NALF1: variants seen among roughly 807,000 people sequenced by gnomAD.
NALF1 encodes NALCN channel auxiliary factor 1.
A neutral mutation model predicts 48.4 loss-of-function variants in NALF1; 3 were observed. The ratio of observed to expected loss-of-function variants is 0.06; its 90% confidence interval spans 0.03 to 0.16. NALF1 has a LOEUF of 0.16. NALF1 is among the 10% of genes least tolerant of loss of function. NALF1 has a pLI of 1.00. For missense variants in NALF1, 526 were observed against 571.5 expected (o/e 0.92, Z 0.81); for synonymous variants, 262 against 245.7 (o/e 1.07, Z -0.62).
At chr13:107,389,615 G>C (rs1362029117) in intron 1 of NALF1, among the ~76,000 whole-genome samples, 1 of 152,092 alleles carries the variant, frequency 6.6e-6, no homozygotes, top group African/African-American at 2.4e-5. Flanking sequence ...GGCAGCTGTA[G>C]CAAACTTGCA....
intron 1 of NALF1, among the ~76,000 whole-genome samples, chr13:107,626,644 A>C (rs993556650): frequency 3.3e-5 from 5 of 152,114 alleles, no homozygotes; most frequent in African/African-American, 1.2e-4. Flanking sequence ...TCCTTGGATG[A>C]AACTGGATAT....
intron 1 of NALF1, among the ~76,000 whole-genome samples, chr13:107,410,123 G>T (rs1440100388): frequency 1.3e-5 from 2 of 152,176 alleles, no homozygotes; most frequent in Non-Finnish European, 2.9e-5. Flanking sequence ...CTTGGTGCTT[G>T]TCCAAGAAGT....
intron 1 of NALF1, among the ~76,000 whole-genome samples, chr13:107,285,268 A>G (rs1338164297): frequency 6.6e-6 from 1 of 152,192 alleles, no homozygotes; most frequent in Non-Finnish European, 1.5e-5. Context: ...TTGCACTTTC[A>G]TGACACATAT....
intron 1 of NALF1, among the ~76,000 whole-genome samples, chr13:107,307,263 C>T (rs9587348): frequency 0.015 from 2,345 of 152,180 alleles, 63 homozygotes; most frequent in African/African-American, 0.054. Context: ...TCCCAGTGTC[C>T]ACACTGCATA....
At chr13:107,454,292 T>A (rs1432251545) in intron 1 of NALF1, among the ~76,000 whole-genome samples, 1 of 152,192 alleles carries the variant, frequency 6.6e-6, no homozygotes, top group Non-Finnish European at 1.5e-5. Flanking sequence ...AACTGGGTAA[T>A]TCATAAAAGA....
intron 1 of NALF1, among the ~76,000 whole-genome samples, chr13:107,582,108 A>G (rs1878328653): frequency 6.7e-6 from 1 of 149,352 alleles, no homozygotes; most frequent in Non-Finnish European, 1.5e-5. Flanking sequence ...TCTACACTAT[A>G]TATAAAATTT....
At chr13:107,586,885 A>G (rs1280189375) in intron 1 of NALF1, among the ~76,000 whole-genome samples, 1 of 152,008 alleles carries the variant, frequency 6.6e-6, no homozygotes, top group African/African-American at 2.4e-5. Context: ...AGTAAGTTAT[A>G]AGGAATAGAT....
At chr13:107,635,350 G>A (rs138130526) in intron 1 of NALF1, among the ~76,000 whole-genome samples, 3 of 152,104 alleles carry the variant, frequency 2.0e-5, no homozygotes, top group African/African-American at 4.8e-5. Flanking sequence ...TGGCAGGAGA[G>A]AGAAGTGCCA....
intron 1 of NALF1, among the ~76,000 whole-genome samples, chr13:107,245,590 G>A (rs1436860013): frequency 2.0e-5 from 3 of 152,070 alleles, no homozygotes; most frequent in Non-Finnish European, 2.9e-5. Flanking sequence ...TATTCTTTTT[G>A]CTGTTTTTCT....
At chr13:107,760,704 C>G (rs569573711) in intron 1 of NALF1, among the ~76,000 whole-genome samples, 1 of 152,186 alleles carries the variant, frequency 6.6e-6, no homozygotes, top group Admixed American at 6.5e-5. Flanking sequence ...ACTCAAATAC[C>G]ACGCATGTTG....
At chr13:107,845,681 C>A (rs539017584) in intron 1 of NALF1, among the ~76,000 whole-genome samples, 1 of 152,126 alleles carries the variant, frequency 6.6e-6, no homozygotes, top group African/African-American at 2.4e-5. Flanking sequence ...CCTTTAACCC[C>A]TAGGCTTTTT....
chr13:107,198,869 C>T (rs1323785820), intron 2 of NALF1, among the ~76,000 whole-genome samples: 1 of 152,144 alleles, frequency 6.6e-6, no homozygotes, highest in Non-Finnish European at 1.5e-5. Flanking sequence ...CTCTATGTGT[C>T]TATATCCAAA....
Position 107,388,683 on chromosome 13 carries a change from GA to G in NALF1, c.916-177929del, listed in dbSNP as rs1176702063. On this transcript the variant is annotated intron_variant, in intron 1 of 2. Coordinates refer to ENST00000375915, the MANE Select transcript of NALF1 (RefSeq NM_001080396.3). ...TAAGCAAGTAAGTGTACTCCATCAA[GA>G]AAAAGTAAAATGTATTTAAAGGGAA... 4.6e-5 allele frequency among the ~76,000 whole-genome samples: 7 copies of G among 152,166 alleles called. No homozygotes were observed. In the South Asian group the frequency reaches 8.3e-4, roughly 18 times the overall value.
At chr13:107,516,508 T>C (rs1876057963) in intron 1 of NALF1, among the ~76,000 whole-genome samples, 1 of 152,230 alleles carries the variant, frequency 6.6e-6, no homozygotes, top group Non-Finnish European at 1.5e-5. Context: ...TTTTTCAGCT[T>C]TATTAATGTA....
At chr13:107,226,149 T>C (rs1880103793) in intron 1 of NALF1, among the ~76,000 whole-genome samples, 2 of 152,000 alleles carry the variant, frequency 1.3e-5, no homozygotes, top group East Asian at 3.9e-4. Context: ...CACACACCAC[T>C]ACCTAAACAG....
chr13:107,334,590 T>C lies in NALF1; in HGVS notation c.916-123835A>G, dbSNP rs1349778782. Among the ~76,000 whole-genome samples, 6 of 152,186 alleles carry C rather than the reference T, an allele frequency of 3.9e-5. No homozygotes were observed. The East Asian group carries it at 9.6e-4, about 24-fold the overall frequency. On this transcript the variant is annotated intron_variant, in intron 1 of 2. Transcript: ENST00000375915. Reference sequence around the variant, plus strand: ...GAAAAGTGAAAGCTGGGGGGAAAGATTGTATTTAGAATTTACAAAAAGTTT... The same window carrying C: ...GAAAAGTGAAAGCTGGGGGGAAAGACTGTATTTAGAATTTACAAAAAGTTT...
At chr13:107,812,707 T>A (rs1467494263) in intron 1 of NALF1, among the ~76,000 whole-genome samples, 1 of 152,226 alleles carries the variant, frequency 6.6e-6, no homozygotes, top group Non-Finnish European at 1.5e-5. Flanking sequence ...TTTCAAACAG[T>A]ATTATTTTCT....
chr13:107,260,435 G>A (rs1265180490), intron 1 of NALF1, among the ~76,000 whole-genome samples: 1 of 152,174 alleles, frequency 6.6e-6, no homozygotes, highest in African/African-American at 2.4e-5. Flanking sequence ...TATTTGATAT[G>A]GGCAATGTTC....
intron 1 of NALF1, among the ~76,000 whole-genome samples, chr13:107,528,959 C>A (rs1236210539): frequency 6.6e-6 from 1 of 152,142 alleles, no homozygotes; most frequent in Non-Finnish European, 1.5e-5. Context: ...TACATGGCCT[C>A]TGCCCATGAA....
Sources: allele counts gnomAD v4.1 joint callset (sites outside exome capture counted in the v4.1 genomes callset), GRCh38; gene constraint gnomAD v4.1.1; transcripts MANE v1.5; gene names NCBI Gene and HGNC (gene_info 2026-07-23, HGNC 2026-07-21).